MVB12B: variants seen among roughly 807,000 people sequenced by gnomAD.
MVB12B encodes multivesicular body subunit 12B, also known as ESCRT-I complex subunit MVB12B.
A neutral mutation model predicts 41.6 loss-of-function variants in MVB12B; 16 were observed. That is an observed-to-expected ratio of 0.38 (90% CI 0.26 to 0.58). MVB12B has a LOEUF of 0.58. Among genes scored for constraint, MVB12B ranks in the 20% least tolerant of loss-of-function variants. MVB12B has a pLI of 0.62. For synonymous variants in MVB12B, 133 were observed against 139.7 expected (o/e 0.95, Z 0.34); for missense variants, 274 against 380.2 (o/e 0.72, Z 2.32).
intron 7 of MVB12B, among the ~76,000 whole-genome samples, chr9:126,425,070 A>T (rs1218296748): frequency 6.6e-6 from 1 of 152,216 alleles, no homozygotes; most frequent in African/African-American, 2.4e-5. Context: ...AAGTGGAAAG[A>T]AAAACAGGTA....
At position 126,335,732 on chromosome 9, in the gene MVB12B, A is replaced by C. The variant is rs542646647; in HGVS notation, c.82-4776A>C. ...GTTTCCTACGGCGAATGAAATGTTTATTCTTCTTCCTTCCTCAGCCCTGTA... is the reference window on the plus strand; with the variant it reads ...GTTTCCTACGGCGAATGAAATGTTTCTTCTTCTTCCTTCCTCAGCCCTGTA... On this transcript the variant is annotated intron_variant, in intron 1 of 9. Coordinates refer to ENST00000361171, the MANE Select transcript of MVB12B (RefSeq NM_033446.3). Among the ~76,000 whole-genome samples the C allele has an allele frequency of 2.0e-5, 3 of 152,288 alleles. No individual in the cohort carries two copies. The South Asian group carries it at 6.2e-4, about 32-fold the overall frequency.
intron 1 of MVB12B, chr9:126,327,404 C>T (rs1829012981): frequency 3.4e-6 from 3 of 883,402 alleles, no homozygotes; most frequent in Non-Finnish European, 4.1e-6. Context: ...GGGTCCTGCT[C>T]TCTCTGGTCA....
intron 7 of MVB12B, among the ~76,000 whole-genome samples, chr9:126,463,533 A>G (rs983582483): frequency 1.3e-5 from 2 of 152,212 alleles, no homozygotes; most frequent in African/African-American, 4.8e-5. Flanking sequence ...ATTGCTGCCG[A>G]CACTCTGTGG....
intron 2 of MVB12B, among the ~76,000 whole-genome samples, chr9:126,378,468 G>A (rs935829117): frequency 1.3e-5 from 2 of 152,082 alleles, no homozygotes; most frequent in African/African-American, 4.8e-5. Context: ...TGCTCTCAAA[G>A]AGCCAGGAAC....
intron 1 of MVB12B, among the ~76,000 whole-genome samples, chr9:126,338,259 C>T (rs1472450157): frequency 1.3e-5 from 2 of 152,248 alleles, no homozygotes; most frequent in African/African-American, 2.4e-5. Context: ...GCAGGCCAGG[C>T]CCGGCTCCTT....
chr9:126,335,509 C>G (rs1829249101), intron 1 of MVB12B: 3 of 730,934 alleles, frequency 4.1e-6, no homozygotes, highest in Non-Finnish European at 4.3e-6. Context: ...ACAGGCAGTC[C>G]CTTGCCTGTC....
chr9:126,470,646 CTGTGTG>C (rs143928729), intron 7 of MVB12B, among the ~76,000 whole-genome samples: 7 of 143,514 alleles, frequency 4.9e-5, no homozygotes, highest in African/African-American at 1.0e-4. Flanking sequence ...AGTCAGTGCT[CTGTGTG>C]TGTGTGTGTG....
intron 2 of MVB12B, among the ~76,000 whole-genome samples, chr9:126,373,862 A>G (rs553635201): frequency 1.3e-4 from 20 of 152,222 alleles, no homozygotes; most frequent in Admixed American, 5.9e-4. Context: ...AATACAGGGG[A>G]AAAAAAAGAA....
At chr9:126,403,908 G>A (rs1260429102) in intron 6 of MVB12B, among the ~76,000 whole-genome samples, 2 of 150,024 alleles carry the variant, frequency 1.3e-5, no homozygotes, top group Non-Finnish European at 3.0e-5. Flanking sequence ...TTTATTAGGT[G>A]TGAGGTACTG....
At chr9:126,329,948 C>T (rs2118778968) in intron 1 of MVB12B, among the ~76,000 whole-genome samples, 1 of 150,336 alleles carries the variant, frequency 6.7e-6, no homozygotes, top group African/African-American at 2.4e-5. Flanking sequence ...TCTCCTTGGC[C>T]TTCTGCTTGC....
At position 126,376,398 on chromosome 9, in the gene MVB12B, G is replaced by A; in HGVS notation, c.205-4666G>A. 1 of 770,656 alleles carries A rather than the reference G, an allele frequency of 1.3e-6. No individual in the cohort carries two copies. The highest frequency in any genetic ancestry group is 1.9e-6 in the Non-Finnish European group (1 of 516,812). 47.7% of individuals were successfully genotyped at this position (770,656 alleles called of 1,614,324 possible). On this transcript the variant is annotated intron_variant, in intron 2 of 9. Coordinates refer to ENST00000361171, the MANE Select transcript of MVB12B (RefSeq NM_033446.3). This position sits in a 1 kb window ranked among gnomAD's most constrained non-coding sequence, Gnocchi z 4.1. Reference sequence around the variant, plus strand: ...TTTTGGGCCCTTCTGTCATGTCTGAGCCTGTCCCCAGTGCCTGGTGACCCT... The same window carrying A: ...TTTTGGGCCCTTCTGTCATGTCTGAACCTGTCCCCAGTGCCTGGTGACCCT...
At chr9:126,331,029 T>C (rs1284928734) in intron 1 of MVB12B, among the ~76,000 whole-genome samples, 3 of 152,210 alleles carry the variant, frequency 2.0e-5, no homozygotes, top group Admixed American at 1.3e-4. Flanking sequence ...TTGGGTTGCT[T>C]CTGTCTTTTG....
chr9:126,487,149 C>T (rs1465411861), intron 9 of MVB12B, among the ~76,000 whole-genome samples: 1 of 152,242 alleles, frequency 6.6e-6, no homozygotes, highest in Non-Finnish European at 1.5e-5. Flanking sequence ...CTTCCACTGA[C>T]TTTTCTGAGC....
chr9:126,460,565 G>A (rs1050123786), intron 7 of MVB12B, among the ~76,000 whole-genome samples: 1 of 151,114 alleles, frequency 6.6e-6, no homozygotes, highest in African/African-American at 2.4e-5. Context: ...GTGGAGCCAG[G>A]AGCAGCCAAG....
chr9:126,347,028 G>A (rs1280423071), intron 2 of MVB12B, among the ~76,000 whole-genome samples: 1 of 148,338 alleles, frequency 6.7e-6, no homozygotes, highest in African/African-American at 2.6e-5. Flanking sequence ...GGAGCTAGAG[G>A]ATGCCATGAC....
intron 5 of MVB12B, among the ~76,000 whole-genome samples, chr9:126,394,880 G>T (rs866603285): frequency 6.6e-6 from 1 of 152,210 alleles, no homozygotes; most frequent in Non-Finnish European, 1.5e-5. Flanking sequence ...TGAATATGGT[G>T]AAAATGATCC....
intron 6 of MVB12B, among the ~76,000 whole-genome samples, chr9:126,418,339 C>T (rs1379267914): frequency 6.6e-6 from 1 of 152,110 alleles, no homozygotes; most frequent in Non-Finnish European, 1.5e-5. Context: ...CTTGATTTCT[C>T]TGTTGTTCAT....
chr9:126,498,545 C>G (rs1020179632), intron 9 of MVB12B, among the ~76,000 whole-genome samples: 3 of 152,236 alleles, frequency 2.0e-5, no homozygotes, highest in African/African-American at 7.2e-5. Context: ...CGGTCTGGCC[C>G]CCATGCTGGA....
At chr9:126,334,531 G>C (rs1233627032) in intron 1 of MVB12B, among the ~76,000 whole-genome samples, 1 of 152,238 alleles carries the variant, frequency 6.6e-6, no homozygotes, top group East Asian at 1.9e-4. Context: ...TATCTTTACT[G>C]TATGAGCACC....
Sources: gnomAD v4.1 joint callset for allele counts (sites outside exome capture counted in the v4.1 genomes callset) on GRCh38, gnomAD v4.1.1 for gene constraint, Gnocchi (gnomAD v3.1) non-coding constraint, MANE v1.5 for transcripts, NCBI Gene and HGNC (gene_info 2026-07-23, HGNC 2026-07-21) for gene names.